Variants in TFEC observed in about 807,000 individuals in gnomAD.
TFEC encodes class E basic helix-loop-helix protein 34.
Under a neutral mutation model 41.6 loss-of-function variants are expected in TFEC, and 31 were observed. That is an observed-to-expected ratio of 0.74 (90% CI 0.56 to 1.01). The LOEUF (loss-of-function observed/expected upper bound fraction) is 1.01, where lower values mean the gene tolerates loss of function less well. TFEC is among the 50% of genes least tolerant of loss of function. The pLI is 0.00. For synonymous variants in TFEC, 143 were observed against 140.6 expected, an observed-to-expected ratio of 1.02 and a Z score of -0.12; for missense variants, 402 against 404.1, an observed-to-expected ratio of 0.99 and a Z score of 0.04.
chr7:116,063,821 G>T (rs1032053593), intron 3 of TFEC, among the ~76,000 whole-genome samples: 1 of 152,096 alleles, frequency 6.6e-6, no homozygotes, highest in Non-Finnish European at 1.5e-5. Context: ...TAAACATACT[G>T]CATTTTCTTT....
At chr7:115,995,715 C>T (rs527434063) in intron 1 of TFEC, among the ~76,000 whole-genome samples, 1 of 152,292 alleles carries the variant, frequency 6.6e-6, no homozygotes, top group Admixed American at 6.5e-5. Context: ...TCTTGAATTG[C>T]CAACATCTTC....
chr7:116,127,402 C>T (rs77162801), intron 1 of TFEC, among the ~76,000 whole-genome samples: 25,834 of 151,978 alleles, frequency 0.17, 2,359 homozygotes, highest in East Asian at 0.33. Flanking sequence ...GTTTTTTATC[C>T]GATGTAATAA....
At chr7:116,007,000 C>A (rs1014951695) in intron 1 of TFEC, among the ~76,000 whole-genome samples, 2 of 152,122 alleles carry the variant, frequency 1.3e-5, no homozygotes, top group East Asian at 3.9e-4. Context: ...CCCAGCCATG[C>A]GGAACTGTAA....
chr7:116,020,834 G>A (rs922205879), intron 1 of TFEC, among the ~76,000 whole-genome samples: 2 of 151,874 alleles, frequency 1.3e-5, no homozygotes, highest in African/African-American at 4.8e-5. Flanking sequence ...ATATTCACAG[G>A]AAAAGTTAAA....
intron 1 of TFEC, among the ~76,000 whole-genome samples, chr7:116,027,388 C>T (rs752362848): frequency 7.2e-5 from 11 of 152,018 alleles, no homozygotes; most frequent in Non-Finnish European, 1.5e-4. Context: ...TGAGACCAGC[C>T]TGGGCAACAT....
chr7:116,012,233 A>G (rs1795028305), intron 1 of TFEC, among the ~76,000 whole-genome samples: 1 of 152,200 alleles, frequency 6.6e-6, no homozygotes, highest in African/African-American at 2.4e-5. Context: ...ATCTGATTGC[A>G]TTAGAGTTTA....
chr7:116,149,998 A>T lies in TFEC; in HGVS notation c.-69+9792T>A, dbSNP rs548569596. Among the ~76,000 whole-genome samples, 116 of 152,328 alleles carry T rather than the reference A, an allele frequency of 7.6e-4. 1 individual carries two copies. The highest frequency in any genetic ancestry group is 2.6e-3 in the African/African-American group (110 of 41,576). On this transcript the variant is annotated intron_variant, in intron 1 of 8. Coordinates refer to the TFEC transcript ENST00000484212. ...ACATAAAACCAAATGGAAATTTGAC[A>T]AAACCAAATATACTTTCTCCTCCCT...
At chr7:116,122,172 C>A (rs1452992413) in intron 1 of TFEC, among the ~76,000 whole-genome samples, 1 of 151,990 alleles carries the variant, frequency 6.6e-6, no homozygotes, top group Non-Finnish European at 1.5e-5. Flanking sequence ...ATAGATAAGA[C>A]CCCTGTTTGC....
intron 1 of TFEC, among the ~76,000 whole-genome samples, chr7:116,002,813 A>G (rs939322309): frequency 6.6e-6 from 1 of 152,182 alleles, no homozygotes; most frequent in Admixed American, 6.5e-5. Context: ...ATACTCACAA[A>G]CATTAAAACT....
chr7:115,966,522 AT>A (rs1792860111), intron 3 of TFEC, among the ~76,000 whole-genome samples: 1 of 151,758 alleles, frequency 6.6e-6, no homozygotes, highest in Non-Finnish European at 1.5e-5. Context: ...CAACTCTAGT[AT>A]TATAATTGTC....
chr7:116,015,081 T>C (rs1368557713), intron 1 of TFEC, among the ~76,000 whole-genome samples: 1 of 150,094 alleles, frequency 6.7e-6, no homozygotes, highest in Non-Finnish European at 1.5e-5. Flanking sequence ...TATATACTTA[T>C]ATATCATTAT....
intron 3 of TFEC, among the ~76,000 whole-genome samples, chr7:116,105,372 A>G (rs1472474814): frequency 6.6e-6 from 1 of 152,240 alleles, no homozygotes; most frequent in African/African-American, 2.4e-5. Context: ...TCCAGTTAAT[A>G]GCCTTTCTCT....
intron 3 of TFEC, among the ~76,000 whole-genome samples, chr7:116,053,926 C>A (rs760506501): frequency 8.6e-5 from 13 of 152,006 alleles, no homozygotes; most frequent in Non-Finnish European, 1.8e-4. Flanking sequence ...TTCTAAGTAT[C>A]TTATATAAAT....
chr7:116,135,393 T>A (rs1798414644), intron 1 of TFEC, among the ~76,000 whole-genome samples: 1 of 152,146 alleles, frequency 6.6e-6, no homozygotes, highest in African/African-American at 2.4e-5. Context: ...GGTTGTTTTA[T>A]TCTCTACCAC....
At chr7:115,984,128 A>C in intron 2 of TFEC, 134 bp downstream of exon 2, 1 of 1,119,140 alleles carries the variant, frequency 8.9e-7, no homozygotes, top group Non-Finnish European at 1.2e-6. Context: ...AATAGAGAAT[A>C]ATTAATTAAA....
At position 115,940,576 on chromosome 7, in the gene TFEC, C is replaced by G; in HGVS notation, c.1019G>C (p.Ser340Thr). ...SKESSRRSSFSSDDGDEL is the reference protein window; with the variant it reads ...SKESSRRSSFTSDDGDEL ...TTATAATTCATCACCATCATCTGAG[C>G]TAAAGCTACTTCTCCTACTGCTTTC... The change falls in exon 8 of 8, where the codon AGC (serine) becomes ACC (threonine). Residue 340 changes from serine (S) to threonine (T), a missense_variant. Physicochemically the swap from Ser to Thr is moderately conservative, Grantham distance 58 (BLOSUM62 1). Coordinates refer to ENST00000265440, the MANE Select transcript of TFEC (RefSeq NM_012252.4). 6.2e-7 allele frequency: 1 copy of G among 1,612,632 alleles called. No individual in the cohort carries two copies. The highest frequency in any genetic ancestry group is 8.5e-7 in the Non-Finnish European group (1 of 1,179,218).
chr7:116,091,020 C>T (rs1290212751), intron 3 of TFEC, among the ~76,000 whole-genome samples: 1 of 151,846 alleles, frequency 6.6e-6, no homozygotes, highest in Non-Finnish European at 1.5e-5. Context: ...ATGTAGATGA[C>T]AGGTTGATGG....
chr7:116,158,726 T>C (rs936928561), intron 1 of TFEC, among the ~76,000 whole-genome samples: 1 of 152,104 alleles, frequency 6.6e-6, no homozygotes, highest in Non-Finnish European at 1.5e-5. Flanking sequence ...TCTTTTGCAA[T>C]AGCATATTAC....
At chr7:116,042,270 A>C (rs1475262062) in intron 3 of TFEC, among the ~76,000 whole-genome samples, 1 of 152,216 alleles carries the variant, frequency 6.6e-6, no homozygotes, top group Non-Finnish European at 1.5e-5. Flanking sequence ...TAGAATACAT[A>C]TAATACAGCA....
Sources: gnomAD v4.1 joint callset for allele counts (sites outside exome capture counted in the v4.1 genomes callset) on GRCh38, gnomAD v4.1.1 for gene constraint, MANE v1.5 for transcripts, NCBI Gene and HGNC (gene_info 2026-07-23, HGNC 2026-07-21) for gene names.